Variants in FAM184A observed in about 807,000 individuals in gnomAD.
FAM184A encodes the protein protein FAM184A.
FAM184A carries 99 observed loss-of-function variants against 143.8 expected under a neutral mutation model. The ratio of observed to expected loss-of-function variants is 0.69; its 90% CI spans 0.58 to 0.81. The LOEUF is 0.81. Among genes scored for constraint, FAM184A ranks in the 40% least tolerant of loss-of-function variants. FAM184A has a pLI of 0.00. For synonymous variants in FAM184A, 427 were observed against 446.4 expected (o/e 0.96, Z 0.55); for missense variants, 1,217 against 1,310.5 (o/e 0.93, Z 1.10).
chr6:118,975,048 C>T lies in FAM184A; in HGVS notation c.2744G>A (p.Arg915Gln), dbSNP rs752209910. 11 of 1,612,686 alleles carry T rather than the reference C, an allele frequency of 6.8e-6. No individual in the cohort carries two copies. The highest frequency in any genetic ancestry group is 2.2e-5 in the East Asian group (1 of 44,776). ...CCTTATCTGTTGGTTAGATTCACTT[C>T]GTATTCTGAGAATTTCTTTCCCCTT... ...EFKGKEILRI[R>Q]SESNQQIRLH... The change falls in exon 13 of 18, where the codon CGA becomes CAA. Residue 915 changes from arginine to glutamine, a missense_variant. Physicochemically the swap from Arg to Gln is conservative, Grantham distance 43. Coordinates refer to ENST00000338891, the MANE Select transcript of FAM184A (RefSeq NM_024581.6).
intron 1 of FAM184A, among the ~76,000 whole-genome samples, chr6:119,047,769 T>C (rs933257016): frequency 2.0e-5 from 3 of 152,104 alleles, no homozygotes; most frequent in Non-Finnish European, 4.4e-5. Flanking sequence ...CAGGATCATA[T>C]GGATTCACGG....
chr6:119,039,668 ACTGG>A (rs1786246458), intron 1 of FAM184A, among the ~76,000 whole-genome samples: 2 of 152,310 alleles, frequency 1.3e-5, no homozygotes, highest in East Asian at 3.9e-4. Context: ...GCTAGGCAAG[ACTGG>A]GGCTGGACAG....
chr6:119,010,845 T>C (rs1408167461), intron 6 of FAM184A, among the ~76,000 whole-genome samples: 2 of 152,200 alleles, frequency 1.3e-5, no homozygotes, highest in East Asian at 1.9e-4. Context: ...ACTTTGCCGA[T>C]ATGAGATTGA....
rs112474804 is a variant in FAM184A at position 119,023,562 on chromosome 6, C to T, written c.1014+397G>A. Among the ~76,000 whole-genome samples, 32 of 118,204 alleles carry T rather than the reference C, an allele frequency of 2.7e-4. 3 individuals are homozygous for T. The highest frequency in any genetic ancestry group is 1.1e-3 in the Admixed American group (13 of 11,410). The allele number at this position is 118,204 out of a possible 152,430, so 77.5% of individuals were successfully genotyped here. On this transcript the variant is annotated intron_variant, in intron 2 of 17. Transcript: ENST00000338891. ...TAATTAGCAATATTGTCCGCCCCCCCCCCCAGGAACAGCGTATTACCTCGC... is the reference window on the plus strand; with the variant it reads ...TAATTAGCAATATTGTCCGCCCCCCTCCCCAGGAACAGCGTATTACCTCGC...
At chr6:119,141,676 C>A (rs1171549867) in intron 1 of FAM184A, among the ~76,000 whole-genome samples, 1 of 151,974 alleles carries the variant, frequency 6.6e-6, no homozygotes, top group Admixed American at 6.5e-5. Flanking sequence ...GAGGTGTCAC[C>A]ATGTTGGCCA....
chr6:119,121,793 T>A (rs756446099), intron 1 of FAM184A, among the ~76,000 whole-genome samples: 24 of 152,218 alleles, frequency 1.6e-4, no homozygotes, highest in Non-Finnish European at 3.1e-4. Context: ...GGCATGAAGA[T>A]CTGAACTGTC....
intron 16 of FAM184A, chr6:118,962,369 CAT>C (rs896214701): frequency 1.9e-5 from 3 of 159,970 alleles, no homozygotes; most frequent in African/African-American, 4.9e-5. Context: ...TAAAGTTAAA[CAT>C]AATTTTAAAA....
intron 1 of FAM184A, among the ~76,000 whole-genome samples, chr6:119,036,026 G>A (rs546193489): frequency 4.6e-5 from 7 of 152,110 alleles, no homozygotes; most frequent in African/African-American, 7.2e-5. Flanking sequence ...GACTCTTTTC[G>A]TTGACACCAT....
intron 1 of FAM184A, among the ~76,000 whole-genome samples, chr6:119,096,132 G>C (rs1237038563): frequency 1.3e-5 from 2 of 152,120 alleles, no homozygotes; most frequent in African/African-American, 4.8e-5. Context: ...TTGGGTACCA[G>C]GGGAAAAAGG....
intron 1 of FAM184A, among the ~76,000 whole-genome samples, chr6:119,128,396 A>G (rs1429552462): frequency 6.6e-6 from 1 of 152,184 alleles, no homozygotes; most frequent in Non-Finnish European, 1.5e-5. Context: ...TCTGATGGTT[A>G]TCTTGGGTAA....
At chr6:119,022,084 A>T (rs1221486641) in intron 3 of FAM184A, among the ~76,000 whole-genome samples, 1 of 114,052 alleles carries the variant, frequency 8.8e-6, no homozygotes, top group Non-Finnish European at 1.7e-5. Flanking sequence ...TTTTTGATAC[A>T]GCCTTGCTCT....
At chr6:119,072,884 T>C (rs545193766) in intron 1 of FAM184A, among the ~76,000 whole-genome samples, 1 of 152,090 alleles carries the variant, frequency 6.6e-6, no homozygotes, top group African/African-American at 2.4e-5. Context: ...GAGTAGCAGA[T>C]ACAATTCCTA....
chr6:119,074,676 TG>T (rs1196367945), intron 1 of FAM184A, among the ~76,000 whole-genome samples: 1 of 152,172 alleles, frequency 6.6e-6, no homozygotes, highest in African/African-American at 2.4e-5. Flanking sequence ...GTCAACACAG[TG>T]GAGAGCACAG....
chr6:119,047,091 C>T (rs1296228502), intron 1 of FAM184A, among the ~76,000 whole-genome samples: 3 of 152,008 alleles, frequency 2.0e-5, no homozygotes, highest in Admixed American at 1.3e-4. Flanking sequence ...CATTTCTCAA[C>T]AGAAGACATA....
chr6:119,147,272 C>A (rs1002438489), intron 1 of FAM184A, among the ~76,000 whole-genome samples: 4 of 151,016 alleles, frequency 2.6e-5, no homozygotes. Context: ...AGCGTGGGTG[C>A]ATCCTAGCTG....
intron 1 of FAM184A, among the ~76,000 whole-genome samples, chr6:119,130,364 AT>A (rs769602585): frequency 2.0e-5 from 3 of 152,358 alleles, no homozygotes; most frequent in Admixed American, 1.3e-4. Context: ...GGGAATAGAA[AT>A]AAATGCCCTA....
intron 1 of FAM184A, among the ~76,000 whole-genome samples, chr6:119,077,922 C>T (rs868685163): frequency 3.3e-5 from 5 of 152,262 alleles, no homozygotes; most frequent in Middle Eastern, 3.2e-3. Flanking sequence ...GGTGCAAGTC[C>T]CTTACGCGCA....
In FAM184A at chr6:119,111,173, A is replaced by G. The variant is rs147312976; in HGVS notation, c.-202+37905T>C. On this transcript the variant is annotated intron_variant, in intron 1 of 16. Transcript: ENST00000352896. ...AAACAAAATATGTTATATACAAACAATATAATATTATTCAGCCTCAAAAAG... is the reference window on the plus strand; with the variant it reads ...AAACAAAATATGTTATATACAAACAGTATAATATTATTCAGCCTCAAAAAG... Among the ~76,000 whole-genome samples, 285 of 152,360 alleles carry G rather than the reference A, an allele frequency of 1.9e-3. 2 individuals carry two copies. Among genetic ancestry groups the G allele is most frequent in the African/African-American group, 6.7e-3 (280 of 41,574 alleles).
intron 8 of FAM184A, 109 bp downstream of exon 8, chr6:119,003,392 A>T: frequency 9.3e-7 from 1 of 1,074,492 alleles, no homozygotes; most frequent in Non-Finnish European, 1.3e-6. Context: ...AGGAAATTTT[A>T]ATTTAAAATA....
Sources: gnomAD v4.1 joint callset for allele counts (sites outside exome capture counted in the v4.1 genomes callset) on GRCh38, gnomAD v4.1.1 for gene constraint, MANE v1.5 for transcripts, NCBI Gene and HGNC (gene_info 2026-07-23, HGNC 2026-07-21) for gene names.